C1QTNF6: variants seen among roughly 807,000 people sequenced by gnomAD.
C1QTNF6 encodes the protein C1q and TNF related 6, also known as complement C1q tumor necrosis factor-related protein 6.
In C1QTNF6, 17 loss-of-function variants were observed where a neutral mutation model predicts 20.7. The ratio of observed to expected loss-of-function variants is 0.82; its 90% CI spans 0.56 to 1.23. C1QTNF6 has a LOEUF of 1.23. C1QTNF6 is among the 50% of genes most tolerant of loss of function. C1QTNF6 has a pLI of 0.00. For synonymous variants in C1QTNF6, 130 were observed against 156.3 expected (o/e 0.83, Z 1.25); for missense variants, 329 against 389.7 (o/e 0.84, Z 1.31).
At position 37,184,011 on chromosome 22, in the gene C1QTNF6, G is replaced by A. The variant is rs1924035285; in HGVS notation, c.289+1207C>T. Among the ~76,000 whole-genome samples the A allele has an allele frequency of 6.6e-6, 1 of 152,184 alleles. No individual in the cohort carries two copies. Among genetic ancestry groups the A allele is most frequent in the African/African-American group, 2.4e-5 (1 of 41,448 alleles). On this transcript the variant is annotated intron_variant, in intron 2 of 2. Transcript: ENST00000337843. The surrounding 1 kb of genome is among the most constrained non-coding windows in gnomAD (Gnocchi z 4.0). ...CAGCCTACCCACCTCCCAGCAGGCT[G>A]CTGAGCTGGGCCCAGGAGCAGTGAC...
At chr22:37,191,556 T>C (rs1485574674), upstream of C1QTNF6, 1 of 152,166 alleles carries the variant, frequency 6.6e-6, no homozygotes, top group Admixed American at 6.5e-5. Context: ...GTTTGTCAAA[T>C]ATCAAAAATT....
chr22:37,194,912 G>T (rs956849220), intron 2 of C1QTNF6, among the ~76,000 whole-genome samples: 1 of 152,216 alleles, frequency 6.6e-6, no homozygotes, highest in African/African-American at 2.4e-5. Flanking sequence ...ATTGCCTGCC[G>T]GGGGGTGGAG....
At position 37,180,267 on chromosome 22, in the gene C1QTNF6, T is replaced by C. The variant is rs1356100967; in HGVS notation, c.*1921A>G. 6.5e-6 allele frequency: 1 copy of C among 152,680 alleles called. No individual in the cohort carries two copies. The allele number at this position is 152,680 out of a possible 1,614,324, so 9.5% of individuals were successfully genotyped here. ...GGGTGGTTTATAGCACAGGTCTTCCTGGCACTTGGTCAGACCCTGTTTCCG... is the reference window on the plus strand; with the variant it reads ...GGGTGGTTTATAGCACAGGTCTTCCCGGCACTTGGTCAGACCCTGTTTCCG... On this transcript the variant is annotated 3_prime_UTR_variant, in exon 3 of 3. Transcript: ENST00000337843.
intron 1 of C1QTNF6, among the ~76,000 whole-genome samples, chr22:37,187,468 G>A (rs1251190562): frequency 1.3e-5 from 2 of 151,808 alleles, no homozygotes; most frequent in Non-Finnish European, 2.9e-5. Context: ...AACCTCTCTG[G>A]GCTTCCTGCT....
At position 37,186,076 on chromosome 22, in the gene C1QTNF6, G is replaced by C. The variant is rs1003908282; in HGVS notation, c.52-621C>G. 2.7e-5 allele frequency: 27 copies of C among 985,412 alleles called. No individual in the cohort carries two copies. In the African/African-American group the frequency reaches 4.4e-4, roughly 16 times the overall value. The allele number at this position is 985,412 out of a possible 1,614,324, so 61.0% of individuals were successfully genotyped here. A position where few individuals can be genotyped will look rare whatever the true frequency, so the allele number is the denominator to read the frequency against. ...AAAAAAAGAGATAAGAGAGTTCATT[G>C]ATCCTAGCAGACAGAAAGCAACGTC... On this transcript the variant is annotated intron_variant, in intron 1 of 2. Coordinates refer to ENST00000337843, the MANE Select transcript of C1QTNF6 (RefSeq NM_031910.4).
At chr22:37,188,303 TGGAGGGAGAGAGGGCGGAGGGAGGGC>T, upstream of C1QTNF6, 1 of 947,268 alleles carries the variant, frequency 1.1e-6, no homozygotes, top group Non-Finnish European at 1.4e-6. Context: ...GAGGAGGGGA[TGGAGGGAGAGAGGGCGGAGGGAGGGC>T]GGAGGGAGAG....
chr22:37,184,493 T>C lies in C1QTNF6; in HGVS notation c.289+725A>G, dbSNP rs1405433060. On this transcript the variant is annotated intron_variant, in intron 2 of 2. Transcript: ENST00000337843. The surrounding 1 kb of genome is among the most constrained non-coding windows in gnomAD (Gnocchi z 4.0). ...CTGGACGGCCCTCACCTGGATGCCT[T>C]TCACCTGGACGGGCCCTCACCTGGA... The C allele has an allele frequency of 2.4e-5, 16 of 668,456 alleles. No homozygotes were observed. The highest frequency in any genetic ancestry group is 4.2e-5 in the Non-Finnish European group (15 of 361,262). The allele number at this position is 668,456 out of a possible 1,614,324, so 41.4% of individuals were successfully genotyped here.
upstream of C1QTNF6, chr22:37,197,751 T>A (rs1925231671): frequency 6.6e-6 from 1 of 152,272 alleles, no homozygotes; most frequent in Non-Finnish European, 1.5e-5. Flanking sequence ...TCCCTCCCAT[T>A]AGCTTTGACC....
In C1QTNF6 at chr22:37,182,218, G is replaced by A. The variant is rs775750500; in HGVS notation, c.807C>T (p.Ser269=). 47 of 1,613,250 alleles carry A rather than the reference G, an allele frequency of 2.9e-5. No individual in the cohort carries two copies. Among genetic ancestry groups the A allele is most frequent in the South Asian group, 1.1e-4 (10 of 91,012 alleles). Residue 269 remains serine, a synonymous_variant, in exon 3 of 3, where the codon AGC becomes AGT. Transcript: ENST00000337843. ...SNDFDTYITF[S]GHLIKAEDD ...CGTCCTCGGCCTTGATGAGGTGGCC[G>A]CTGAAGGTGATGTAGGTGTCGAAGT...
At chr22:37,188,292 A>G, upstream of C1QTNF6, 1 of 1,163,234 alleles carries the variant, frequency 8.6e-7, no homozygotes, top group Non-Finnish European at 1.2e-6. Context: ...GAGGAGGGAG[A>G]GAGGAGGGGA....
chr22:37,189,178 G>C (rs1211109387), upstream of C1QTNF6, among the ~76,000 whole-genome samples: 1 of 152,194 alleles, frequency 6.6e-6, no homozygotes, highest in African/African-American at 2.4e-5. Context: ...CTTGGTGCTG[G>C]TAGAAGTGTG....
At chr22:37,186,135 T>C (rs1924314325) in intron 1 of C1QTNF6, 1 of 985,454 alleles carries the variant, frequency 1.0e-6, no homozygotes, top group Non-Finnish European at 1.2e-6. Flanking sequence ...GCGGTGATGG[T>C]GTCATTGCAT....
chr22:37,194,844 G>A (rs1029421412), intron 2 of C1QTNF6, among the ~76,000 whole-genome samples: 17 of 152,318 alleles, frequency 1.1e-4, no homozygotes, highest in African/African-American at 4.1e-4. Context: ...TGGAAGAGTG[G>A]AGAGTCACCC....
chr22:37,194,642 T>C (rs1601640678), intron 2 of C1QTNF6, among the ~76,000 whole-genome samples: 2 of 152,248 alleles, frequency 1.3e-5, no homozygotes, highest in African/African-American at 4.8e-5. Context: ...TGTAAGATGC[T>C]GTCCAACAGG....
rs1002499529 is a variant in C1QTNF6, at chr22:37,184,901, A to C, written c.289+317T>G. ...ATTCAATATGCAGCCTGCAGCCCAG[A>C]CCCGCACTCCTGAAGCCCCTTTTCA... On this transcript the variant is annotated intron_variant, in intron 2 of 2. Coordinates refer to ENST00000337843, the MANE Select transcript of C1QTNF6 (RefSeq NM_031910.4). The surrounding 1 kb of genome is among the most constrained non-coding windows in gnomAD (Gnocchi z 4.0). Among the ~76,000 whole-genome samples the C allele has an allele frequency of 1.3e-5, 2 of 151,876 alleles. No individual in the cohort carries two copies. Among genetic ancestry groups the C allele is most frequent in the Non-Finnish European group, 2.9e-5 (2 of 67,948 alleles).
intron 2 of C1QTNF6, among the ~76,000 whole-genome samples, chr22:37,183,141 C>T (rs1334969366): frequency 1.3e-5 from 2 of 152,244 alleles, no homozygotes; most frequent in African/African-American, 2.4e-5. Flanking sequence ...CTGGAACATA[C>T]TTTGGGTTTC....
chr22:37,183,815 CAAGGAAAGG>C (rs1217295949), intron 2 of C1QTNF6, among the ~76,000 whole-genome samples: 4 of 152,164 alleles, frequency 2.6e-5, no homozygotes, highest in African/African-American at 9.7e-5. Context: ...TGCCCCAGCC[CAAGGAAAGG>C]AAGGAGTGGA....
rs781520974 is a variant in C1QTNF6 at position 37,182,695 on chromosome 22, G to A, written c.330C>T (p.Tyr110=). The A allele has an allele frequency of 1.2e-6, 2 of 1,612,642 alleles. No homozygotes were observed. The highest frequency in any genetic ancestry group is 1.7e-6 in the Non-Finnish European group (2 of 1,179,852). ...GDPGPMGLPG[Y]MGREGPQGEP... ...CCCCTTGGGGACCCTCCCTGCCCAT[G>A]TACCCTGGCAGGCCCATTGGGCCTG... Residue 110 remains tyrosine (Y), a synonymous_variant, in exon 3 of 3, where the codon TAC becomes TAT. Coordinates refer to ENST00000337843, the MANE Select transcript of C1QTNF6 (RefSeq NM_031910.4).
At chr22:37,189,317 G>C (rs1052985339), upstream of C1QTNF6, among the ~76,000 whole-genome samples, 4 of 152,104 alleles carry the variant, frequency 2.6e-5, no homozygotes, top group African/African-American at 9.7e-5. Context: ...TTCTCAGCAG[G>C]GTCTTGATGA....
Sources: allele counts gnomAD v4.1 joint callset (sites outside exome capture counted in the v4.1 genomes callset), GRCh38; gene constraint gnomAD v4.1.1; non-coding constraint Gnocchi (gnomAD v3.1); transcripts MANE v1.5; gene names NCBI Gene and HGNC (gene_info 2026-07-23, HGNC 2026-07-21).